The following CLUH variants were observed in gnomAD, a reference collection of about 807,000 sequenced individuals.
CLUH encodes the protein CLUH binding protein of NUMT mRNA, also known as clustered mitochondria protein homolog.
CLUH carries 77 observed loss-of-function variants against 139.3 expected under a neutral mutation model. That is an observed-to-expected ratio of 0.55 (90% confidence interval 0.46 to 0.67). The LOEUF (loss-of-function observed/expected upper bound fraction) is 0.67, where lower values mean the gene tolerates loss of function less well. Among genes scored for constraint, CLUH ranks in the 30% least tolerant of loss-of-function variants. The pLI, the probability that CLUH is intolerant of heterozygous loss-of-function variation, is 0.00. For synonymous variants in CLUH, 999 were observed against 801.6 expected, an observed-to-expected ratio of 1.25 and a Z score of -4.16; for missense variants, 1,876 against 1,875.8, an observed-to-expected ratio of 1.00 and a Z score of 0.00.
In CLUH at chr17:2,704,329, G is replaced by T. The variant is rs763340685; in HGVS notation, c.303+33C>A. On this transcript the variant is annotated intron_variant, in intron 2 of 25. Coordinates refer to ENST00000651024, the MANE Select transcript of CLUH (RefSeq NM_001366661.1). This position sits in a 1 kb window ranked among gnomAD's most constrained non-coding sequence, Gnocchi z 5.7. ...AGCTCACCCTCCCCAGCAGGCTCAG[G>T]CCTGGCCCCCAGCACCCGTTCCTCC... 1.9e-6 allele frequency: 3 copies of T among 1,592,550 alleles called. No homozygotes were observed. The highest frequency in any genetic ancestry group is 1.3e-5 in the African/African-American group (1 of 74,230).
In CLUH at chr17:2,708,343, CCCTAA is replaced by C. The variant is rs555555860; in HGVS notation, c.100+3214_100+3218del. Among the ~76,000 whole-genome samples, 80 of 152,288 alleles carry C rather than the reference CCCTAA, an allele frequency of 5.3e-4. No individual in the cohort carries two copies. The South Asian group carries it at 0.016, about 31-fold the overall frequency. The stretch of plus-strand genomic sequence containing the variant: ...TGCTCCTACCCTCTCCTGAAATACA[CCCTAA>C]CCCTCCGGAGAGAGGGGTGGGGCAG... On this transcript the variant is annotated intron_variant, in intron 1 of 25. Transcript: ENST00000651024.
chr17:2,691,675 G>A lies in CLUH; in HGVS notation c.3797C>T (p.Ala1266Val). Residue 1266 changes from alanine (A) to valine (V), a missense_variant, in exon 25 of 26, where the codon GCC (alanine) becomes GTC (valine). Physicochemically the swap from Ala to Val is moderately conservative, Grantham distance 64. Coordinates refer to ENST00000651024, the MANE Select transcript of CLUH (RefSeq NM_001366661.1). The part of the protein sequence containing the change: ...SANIPPLKFT[A>V]PSMASVLEQL... ...CTCCAAGACGCTGGCCATGCTGGGG[G>A]CCGTGAACTGCGGGGCGGGGAAACC... is the stretch of plus-strand genomic sequence containing the variant. The A allele has an allele frequency of 6.2e-7, 1 of 1,612,352 alleles. No homozygotes were observed. The highest frequency in any genetic ancestry group is 8.5e-7 in the Non-Finnish European group (1 of 1,179,226).
rs575869585 is a variant in CLUH at position 2,691,900 on chromosome 17, G to C, written c.3655-5C>G. On this transcript the variant is annotated splice_polypyrimidine_tract_variant and splice_region_variant and intron_variant, in intron 23 of 25. Coordinates refer to ENST00000651024, the MANE Select transcript of CLUH (RefSeq NM_001366661.1). ...CTTCTCATGGTCCTCGCCCAGCTGC[G>C]GGGAGGCGGGAAGGGATCAGGCCCC... 3 of 1,525,100 alleles carry C rather than the reference G, an allele frequency of 2.0e-6. No homozygotes were observed. The highest frequency in any genetic ancestry group is 1.4e-5 in the African/African-American group (1 of 71,294). 94.5% of individuals were successfully genotyped at this position (1,525,100 alleles called of 1,614,324 possible).
chr17:2,692,567 T>A lies in CLUH; in HGVS notation c.3438+4A>T, dbSNP rs1162628818. The A allele has an allele frequency of 6.2e-7, 1 of 1,610,306 alleles. No individual in the cohort carries two copies. Among genetic ancestry groups the A allele is most frequent in the Non-Finnish European group, 8.5e-7 (1 of 1,178,916 alleles). ...CCCTGCCGCCCCCCCGCCCCAGCAC[T>A]CACGTCCAGCAGCGCCATCTCGGGG... On this transcript the variant is annotated splice_donor_region_variant and intron_variant, in intron 21 of 25. Transcript: ENST00000651024.
chr17:2,705,506 C>T (rs1053595862), intron 1 of CLUH, among the ~76,000 whole-genome samples: 1 of 152,150 alleles, frequency 6.6e-6, no homozygotes, highest in Non-Finnish European at 1.5e-5. Flanking sequence ...CACCGCTGTG[C>T]TTCTGTGTCT....
Position 2,704,924 on chromosome 17 carries a change from C to T in CLUH, c.101-360G>A, listed in dbSNP as rs1021507211. On this transcript the variant is annotated intron_variant, in intron 1 of 25. Coordinates refer to ENST00000651024, the MANE Select transcript of CLUH (RefSeq NM_001366661.1). The surrounding 1 kb of genome is among the most constrained non-coding windows in gnomAD (Gnocchi z 5.7). The stretch of plus-strand genomic sequence containing the variant: ...CCTCTTCCTCTCCTCTTCTCTGACC[C>T]CACACAGTGCCCTTGCCCCTCCCTC... 1.1e-4 allele frequency among the ~76,000 whole-genome samples: 17 copies of T among 152,158 alleles called. No individual in the cohort carries two copies. The highest frequency in any genetic ancestry group is 9.2e-4 in the Admixed American group (14 of 15,284).
rs758269083 is a variant in CLUH at position 2,696,715 on chromosome 17, C to G, written c.2185+4G>C. 1.2e-6 allele frequency: 2 copies of G among 1,611,540 alleles called. No homozygotes were observed. Among genetic ancestry groups the G allele is most frequent in the South Asian group, 2.2e-5 (2 of 90,956 alleles). On this transcript the variant is annotated splice_donor_region_variant and intron_variant, in intron 11 of 25. Coordinates refer to ENST00000651024, the MANE Select transcript of CLUH (RefSeq NM_001366661.1). ...TCTCTCCCGGCCATCTGCAGCAGCCCCACCTGTGCCGTCGTCTGCGGCGAT... is the reference window on the plus strand; with the variant it reads ...TCTCTCCCGGCCATCTGCAGCAGCCGCACCTGTGCCGTCGTCTGCGGCGAT...
intron 23 of CLUH, 23 bp downstream of exon 23, chr17:2,691,981 C>CCGCCCCGCCCCGCCCCCGCCGCGCA (rs2069692316): frequency 1.4e-6 from 1 of 730,442 alleles, no homozygotes; most frequent in African/African-American, 4.5e-5. Context: ...CGCCCCCGCC[C>CCGCCCCGCCCCGCCCCCGCCGCGCA]CCGCCACGCC....
At chr17:2,705,954 G>C (rs777308566) in intron 1 of CLUH, among the ~76,000 whole-genome samples, 15 of 152,174 alleles carry the variant, frequency 9.9e-5, no homozygotes, top group Non-Finnish European at 1.6e-4. Flanking sequence ...CACCCATCTA[G>C]GAGATGAGGA....
At chr17:2,692,503 G>T in intron 21 of CLUH, 21 bp from the exon 22 acceptor site, 2 of 1,596,746 alleles carry the variant, frequency 1.3e-6, no homozygotes, top group South Asian at 1.1e-5. Context: ...GCGGTGGGGG[G>T]CCCTGGTCAG....
At position 2,703,349 on chromosome 17, in the gene CLUH, C is replaced by T. The variant is rs1419919081; in HGVS notation, c.444G>A (p.Leu148=). The T allele has an allele frequency of 1.2e-6, 2 of 1,612,548 alleles. No homozygotes were observed. The highest frequency in any genetic ancestry group is 8.5e-7 in the Non-Finnish European group (1 of 1,179,502). ...HFSELRSVEG[L]QEGSVLRVVE... is the part of the protein sequence containing the mutation. ...CCACACGCAGCACAGAGCCCTCCTG[C>T]AGCCCCTCGACGCTGCGCAGCTCCG... The change falls in exon 3 of 26, where the codon CTG becomes CTA. Residue 148 remains leucine (L), a synonymous_variant. Transcript: ENST00000651024. The surrounding 1 kb of genome is among the most constrained non-coding windows in gnomAD (Gnocchi z 4.2).
chr17:2,696,134 C>T lies in CLUH; in HGVS notation c.2391+25G>A. 2.6e-6 allele frequency: 4 copies of T among 1,528,944 alleles called. No homozygotes were observed. The South Asian group carries it at 3.6e-5, about 14-fold the overall frequency. 94.7% of individuals were successfully genotyped at this position (1,528,944 alleles called of 1,614,324 possible). On this transcript the variant is annotated intron_variant, in intron 13 of 25. Transcript: ENST00000651024. Reference sequence around the variant, plus strand: ...ACCAGCACCCTCCACACAAGCCCCACCCAGCCCCGCAGCCCCTCCCTCACC... The same window carrying T: ...ACCAGCACCCTCCACACAAGCCCCATCCAGCCCCGCAGCCCCTCCCTCACC...
Position 2,692,101 on chromosome 17 carries a change from C to T in CLUH, c.3561-4G>A. 1 of 1,597,998 alleles carries T rather than the reference C, an allele frequency of 6.3e-7. No homozygotes were observed. The highest frequency in any genetic ancestry group is 8.5e-7 in the Non-Finnish European group (1 of 1,173,698). On this transcript the variant is annotated splice_polypyrimidine_tract_variant and splice_region_variant and intron_variant, in intron 22 of 25. Transcript: ENST00000651024. ...GACTCGGGCGACAAGGTGGTGGCTG[C>T]CGGGAGGCGCGGCGCGGGGCGAGGG...
At chr17:2,691,451 A>G (rs565442178) in intron 25 of CLUH, 158 bp downstream of exon 25, 6 of 706,698 alleles carry the variant, frequency 8.5e-6, no homozygotes, top group South Asian at 8.4e-5. Flanking sequence ...AATCCCAGCT[A>G]CTGGGGAGGC....
At chr17:2,691,349 G>C (rs2069622631) in intron 25 of CLUH, among the ~76,000 whole-genome samples, 2 of 152,122 alleles carry the variant, frequency 1.3e-5, no homozygotes, top group African/African-American at 4.8e-5. Context: ...GGATCGCAAG[G>C]TTAAGAGTTC....
intron 1 of CLUH, among the ~76,000 whole-genome samples, chr17:2,709,471 G>A (rs1168463253): frequency 6.6e-6 from 1 of 152,074 alleles, no homozygotes; most frequent in East Asian, 1.9e-4. Context: ...AGATCCTGTT[G>A]CGGAGCTCCC....
In CLUH at chr17:2,700,707, G is replaced by C. The variant is rs1295413574; in HGVS notation, c.1144C>G (p.Leu382Val). ...CCAGGAATGTGCTCCTCATAGCCCAGCCTCGAGGTGTAGGCGTCCTCTGCA... is the reference window on the plus strand; with the variant it reads ...CCAGGAATGTGCTCCTCATAGCCCACCCTCGAGGTGTAGGCGTCCTCTGCA... ...VRAEDAYTSR[L>V]GYEEHIPGQT... The change falls in exon 8 of 26, where the codon CTG becomes GTG. Residue 382 changes from leucine (L) to valine (V), a missense_variant. Leu to Val is a conservative substitution (Grantham distance 32, BLOSUM62 1). Around this residue, in one of 3 missense-constraint regions of CLUH, gnomAD observed 1,454 missense variants for 1,384.4 expected, o/e 1.05. Transcript: ENST00000651024. 1 of 1,532,752 alleles carries C rather than the reference G, an allele frequency of 6.5e-7. No homozygotes were observed. Among genetic ancestry groups the C allele is most frequent in the Admixed American group, 2.1e-5 (1 of 46,562 alleles). 94.9% of individuals were successfully genotyped at this position (1,532,752 alleles called of 1,614,324 possible).
At position 2,692,386 on chromosome 17, in the gene CLUH, G is replaced by A. The variant is rs2069727463; in HGVS notation, c.3535C>T (p.Pro1179Ser). Reference sequence around the variant, plus strand: ...CTGAGGGCCACCTTGAGGGCCTTGGGCCCGTGGTACTTGGTGCTGACGGCC... The same window carrying A: ...CTGAGGGCCACCTTGAGGGCCTTGGACCCGTGGTACTTGGTGCTGACGGCC... ...ALAVSTKYHG[P>S]KALKVALSHH... Residue 1179 changes from proline to serine, a missense_variant, in exon 22 of 26, where the codon CCC becomes TCC. Physicochemically the swap from Pro to Ser is moderately conservative, Grantham distance 74. Around this residue, in one of 3 missense-constraint regions of CLUH, gnomAD observed 1,454 missense variants for 1,384.4 expected, o/e 1.05. Coordinates refer to ENST00000651024, the MANE Select transcript of CLUH (RefSeq NM_001366661.1). 3 of 1,591,896 alleles carry A rather than the reference G, an allele frequency of 1.9e-6. No homozygotes were observed. In the South Asian group the frequency reaches 3.3e-5, roughly 18 times the overall value.
chr17:2,690,501 G>A lies in CLUH; in HGVS notation c.*93C>T. On this transcript the variant is annotated 3_prime_UTR_variant, in exon 26 of 26. Coordinates refer to ENST00000651024, the MANE Select transcript of CLUH (RefSeq NM_001366661.1). The stretch of plus-strand genomic sequence containing the variant: ...GTGAGACGTGGAGGAAGAGGGCCTT[G>A]CTTCCTCTTCCGCCCGCAGGCTCGC... 3 of 1,148,776 alleles carry A rather than the reference G, an allele frequency of 2.6e-6. No individual in the cohort carries two copies. The highest frequency in any genetic ancestry group is 3.5e-6 in the Non-Finnish European group (3 of 865,202). The allele number at this position is 1,148,776 out of a possible 1,614,324, so 71.2% of individuals were successfully genotyped here.
Sources: gnomAD v4.1 joint callset for allele counts (sites outside exome capture counted in the v4.1 genomes callset) on GRCh38, gnomAD v4.1.1 for gene constraint, gnomAD v4.1.1 regional missense constraint, Gnocchi (gnomAD v3.1) non-coding constraint, MANE v1.5 for transcripts, NCBI Gene and HGNC (gene_info 2026-07-23, HGNC 2026-07-21) for gene names.